Variants in BCAS3 observed in about 807,000 individuals in gnomAD.
BCAS3 encodes BCAS4/BCAS3 fusion.
Under a neutral mutation model 116.1 loss-of-function variants are expected in BCAS3, and 53 were observed. The ratio of observed to expected loss-of-function variants is 0.46; its 90% confidence interval spans 0.37 to 0.57. The LOEUF is 0.57. Ranked by LOEUF, BCAS3 falls within the 20% of genes least tolerant of loss-of-function variation. The pLI is 0.00. For synonymous variants in BCAS3, 391 were observed against 408.2 expected (o/e 0.96, Z 0.51); for missense variants, 917 against 1,165.4 (o/e 0.79, Z 3.10).
chr17:60,893,600 CT>C (rs930873750), intron 10 of BCAS3, among the ~76,000 whole-genome samples: 2,745 of 81,918 alleles, frequency 0.034, 38 homozygotes, highest in African/African-American at 0.13. Context: ...GACCTATGAT[CT>C]TTTTTTTTTT....
At chr17:61,103,117 A>T (rs1041869979) in intron 22 of BCAS3, among the ~76,000 whole-genome samples, 8 of 152,152 alleles carry the variant, frequency 5.3e-5, no homozygotes, top group African/African-American at 1.9e-4. Flanking sequence ...GATATTTCAG[A>T]CAAGAATCTA....
chr17:60,913,367 T>C (rs776367728), intron 12 of BCAS3, among the ~76,000 whole-genome samples: 2 of 152,102 alleles, frequency 1.3e-5, no homozygotes, highest in Non-Finnish European at 2.9e-5. Flanking sequence ...AGAAATTGAT[T>C]TTCAATAAAA....
chr17:61,037,219 C>T lies in BCAS3; in HGVS notation c.1763-670C>T, dbSNP rs1487540032. 6.6e-6 allele frequency among the ~76,000 whole-genome samples: 1 copy of T among 152,172 alleles called. No individual in the cohort carries two copies. Among genetic ancestry groups the T allele is most frequent in the Admixed American group, 6.5e-5 (1 of 15,272 alleles). On this transcript the variant is annotated intron_variant, in intron 17 of 23. Coordinates refer to ENST00000407086, the MANE Select transcript of BCAS3 (RefSeq NM_017679.5). The surrounding 1 kb of genome is among the most constrained non-coding windows in gnomAD (Gnocchi z 4.7). ...TTTGGTACATGCAGGGTAACTAAAT[C>T]CTAGTCCATACATTATTCCTTTTCA... is the stretch of plus-strand genomic sequence containing the variant.
intron 11 of BCAS3, among the ~76,000 whole-genome samples, chr17:60,908,466 G>A (rs1246605306): frequency 6.6e-6 from 1 of 152,160 alleles, no homozygotes; most frequent in Non-Finnish European, 1.5e-5. Context: ...TTAAGTGGGA[G>A]CATCTCCATT....
At chr17:61,242,296 C>T (rs908575556) in intron 22 of BCAS3, among the ~76,000 whole-genome samples, 23 of 135,484 alleles carry the variant, frequency 1.7e-4, no homozygotes, top group Non-Finnish European at 2.3e-4. Context: ...AAAAAAAAAT[C>T]CAAACATCAG....
At position 61,246,624 on chromosome 17, in the gene BCAS3, C is replaced by T. The variant is rs867872174; in HGVS notation, c.2426-121703C>T. On this transcript the variant is annotated intron_variant, in intron 22 of 23. Coordinates refer to ENST00000407086, the MANE Select transcript of BCAS3 (RefSeq NM_017679.5). ...GGCACCTGACACGGCATCACTGGAG[C>T]CTGTGTACTGGAATTAGACCAGTTG... is the stretch of plus-strand genomic sequence containing the variant. Among the ~76,000 whole-genome samples the T allele has an allele frequency of 3.3e-5, 5 of 152,114 alleles. No homozygotes were observed. In the Middle Eastern group the frequency reaches 0.01, roughly 310 times the overall value.
chr17:60,708,938 T>C (rs1206702762), intron 4 of BCAS3, among the ~76,000 whole-genome samples: 1 of 152,122 alleles, frequency 6.6e-6, no homozygotes, highest in East Asian at 1.9e-4. Context: ...GGATTATAGG[T>C]GTAAGCCACC....
intron 22 of BCAS3, among the ~76,000 whole-genome samples, chr17:61,262,578 G>A (rs1330152276): frequency 1.3e-5 from 2 of 151,962 alleles, no homozygotes; most frequent in South Asian, 2.1e-4. Context: ...GTGAGGTTTC[G>A]CCATGTTGAC....
At position 61,205,820 on chromosome 17, in the gene BCAS3, G is replaced by C. The variant is rs1489882567; in HGVS notation, c.2425+121256G>C. ...TACCTAGTTTTGCCAGGCAAGGACT[G>C]AATAGGTGAATAGTCATTGTATTCT... is the stretch of plus-strand genomic sequence containing the variant. On this transcript the variant is annotated intron_variant, in intron 22 of 23. Transcript: ENST00000407086. The surrounding 1 kb of genome is among the most constrained non-coding windows in gnomAD (Gnocchi z 5.2). 6.6e-6 allele frequency among the ~76,000 whole-genome samples: 1 copy of C among 152,206 alleles called. No homozygotes were observed. The highest frequency in any genetic ancestry group is 2.4e-5 in the African/African-American group (1 of 41,450).
rs1426187306 is a variant in BCAS3 at position 61,392,175 on chromosome 17, G to A, written c.*50G>A. On this transcript the variant is annotated 3_prime_UTR_variant, in exon 24 of 24. Transcript: ENST00000407086. This position sits in a 1 kb window ranked among gnomAD's most constrained non-coding sequence, Gnocchi z 6.4. ...GCCAGCCCCCTCCCCTGCTGGAGGA[G>A]GGGAGAAGCCCCGCTCTGGTCCTAC... 6.3e-7 allele frequency: 1 copy of A among 1,590,502 alleles called. No individual in the cohort carries two copies. Among genetic ancestry groups the A allele is most frequent in the African/African-American group, 1.3e-5 (1 of 74,304 alleles).
chr17:61,303,717 C>G (rs1238383703), intron 22 of BCAS3, among the ~76,000 whole-genome samples: 1 of 152,118 alleles, frequency 6.6e-6, no homozygotes, highest in Non-Finnish European at 1.5e-5. Context: ...TTGATATTTC[C>G]CCATCCCTTT....
intron 12 of BCAS3, among the ~76,000 whole-genome samples, chr17:60,914,363 C>G (rs772774045): frequency 7.2e-5 from 11 of 152,058 alleles, no homozygotes; most frequent in Non-Finnish European, 1.5e-4. Context: ...AAGAATCTTA[C>G]GTAGTGGTAA....
rs2076827176 is a variant in BCAS3, at chr17:61,139,853, T to C, written c.2425+55289T>C. Among the ~76,000 whole-genome samples, 1 of 152,132 alleles carries C rather than the reference T, an allele frequency of 6.6e-6. No individual in the cohort carries two copies. Among genetic ancestry groups the C allele is most frequent in the African/African-American group, 2.4e-5 (1 of 41,424 alleles). ...TAATGGGTGATCAGAGAAAGTTTTA[T>C]GGAAAAAATGCCGTTTGAGCTAGAA... On this transcript the variant is annotated intron_variant, in intron 22 of 23. Coordinates refer to ENST00000407086, the MANE Select transcript of BCAS3 (RefSeq NM_017679.5). The surrounding 1 kb of genome is among the most constrained non-coding windows in gnomAD (Gnocchi z 4.7).
At chr17:61,001,374 G>A (rs1387608119) in intron 15 of BCAS3, among the ~76,000 whole-genome samples, 2 of 152,062 alleles carry the variant, frequency 1.3e-5, no homozygotes, top group East Asian at 1.9e-4. Flanking sequence ...TTTAACTTAC[G>A]TTGATCAGTA....
chr17:60,911,701 C>G (rs764855039), intron 12 of BCAS3, among the ~76,000 whole-genome samples: 4 of 152,178 alleles, frequency 2.6e-5, no homozygotes, highest in Non-Finnish European at 5.9e-5. Context: ...TCCCAAAATG[C>G]TAGGATTACA....
At position 61,222,612 on chromosome 17, in the gene BCAS3, A is replaced by G. The variant is rs1033243280; in HGVS notation, c.2425+138048A>G. Among the ~76,000 whole-genome samples, 1 of 152,096 alleles carries G rather than the reference A, an allele frequency of 6.6e-6. No individual in the cohort carries two copies. Among genetic ancestry groups the G allele is most frequent in the African/African-American group, 2.4e-5 (1 of 41,406 alleles). On this transcript the variant is annotated intron_variant, in intron 22 of 23. Coordinates refer to ENST00000407086, the MANE Select transcript of BCAS3 (RefSeq NM_017679.5). This position sits in a 1 kb window ranked among gnomAD's most constrained non-coding sequence, Gnocchi z 6.1. ...GTCTCTGTAGCTTAGTAATAACTGA[A>G]CATGGTTAATTTGTTCTGGTTTATT...
intron 7 of BCAS3, among the ~76,000 whole-genome samples, chr17:60,854,289 A>T (rs993380712): frequency 6.6e-5 from 10 of 152,174 alleles, no homozygotes; most frequent in Admixed American, 5.9e-4. Flanking sequence ...TTCTCAATCC[A>T]GTCTATCATT....
At position 61,019,438 on chromosome 17, in the gene BCAS3, A is replaced by G. The variant is rs79100405; in HGVS notation, c.1637+3537A>G. On this transcript the variant is annotated intron_variant, in intron 16 of 23. Transcript: ENST00000407086. This position sits in a 1 kb window ranked among gnomAD's most constrained non-coding sequence, Gnocchi z 5.6. ...TGACTTTTCTGATTGTTCTTTTACT[A>G]TAAGTTATCTAAAACATTTAATCAT... Among the ~76,000 whole-genome samples, 322 of 152,282 alleles carry G rather than the reference A, an allele frequency of 2.1e-3. 2 individuals carry two copies. Among genetic ancestry groups the G allele is most frequent in the African/African-American group, 7.5e-3 (311 of 41,568 alleles).
chr17:61,147,468 C>A (rs1182063443), intron 22 of BCAS3, among the ~76,000 whole-genome samples: 46 of 152,034 alleles, frequency 3.0e-4, no homozygotes, highest in Non-Finnish European at 4.4e-5. Flanking sequence ...ATCAGTCTAT[C>A]CACCTTGGCC....
Sources: gnomAD v4.1 joint callset for allele counts (sites outside exome capture counted in the v4.1 genomes callset) on GRCh38, gnomAD v4.1.1 for gene constraint, Gnocchi (gnomAD v3.1) non-coding constraint, MANE v1.5 for transcripts, NCBI Gene and HGNC (gene_info 2026-07-23, HGNC 2026-07-21) for gene names.